Variants in HEATR9 observed in about 807,000 individuals in gnomAD.
HEATR9 encodes the protein protein HEATR9.
A neutral mutation model predicts 68.2 loss-of-function variants in HEATR9; 54 were observed. That is an observed-to-expected ratio of 0.79 (90% CI 0.64 to 0.99). HEATR9 has a LOEUF of 0.99. Ranked by LOEUF, HEATR9 falls within the 50% of genes least tolerant of loss-of-function variation. The pLI is 0.00. For synonymous variants in HEATR9, 241 were observed against 253.5 expected (o/e 0.95, Z 0.47); for missense variants, 662 against 679.7 (o/e 0.97, Z 0.29).
Position 35,855,651 on chromosome 17 carries a change from A to G in HEATR9, c.1365+13T>C. On this transcript the variant is annotated intron_variant, in intron 14 of 14. Transcript: ENST00000604834. ...AGAGAAGAGGAAGAAGTGGGCAGGA[A>G]CGCCTTACTTACACTCTTCTTCACA... The G allele has an allele frequency of 6.2e-7, 1 of 1,611,812 alleles. No individual in the cohort carries two copies. Among genetic ancestry groups the G allele is most frequent in the Non-Finnish European group, 8.5e-7 (1 of 1,178,054 alleles).
At position 35,865,290 on chromosome 17, in the gene HEATR9, T is replaced by C. The variant is rs2088157092; in HGVS notation, c.245A>G (p.His82Arg). 1.9e-6 allele frequency: 3 copies of C among 1,613,868 alleles called. No homozygotes were observed. The highest frequency in any genetic ancestry group is 2.7e-5 in the African/African-American group (2 of 74,856). Residue 82 changes from histidine to arginine, a missense_variant, in exon 3 of 15, where the codon CAC becomes CGC. Transcript: ENST00000604834. ...TCGCTGATCATACAGGTCGTGCCAG[T>C]GCGTGTAGATCTCAGGTTTCTTGAA... ...CYFKKPEIYTHWHDLYDQREE... is the reference protein window; with the variant it reads ...CYFKKPEIYTRWHDLYDQREE...
In HEATR9 at chr17:35,865,212, C is replaced by A. The variant is rs562179157; in HGVS notation, c.320+3G>T. 36 of 1,612,572 alleles carry A rather than the reference C, an allele frequency of 2.2e-5. No individual in the cohort carries two copies. The African/African-American group carries it at 3.5e-4, about 16-fold the overall frequency. ...GAAGAATATGGAGGCCAGCAAAACA[C>A]ACCTACAGTCATCTCTCATTTTCCT... On this transcript the variant is annotated splice_donor_region_variant and intron_variant, in intron 3 of 14. Coordinates refer to ENST00000604834, the MANE Select transcript of HEATR9 (RefSeq NM_152781.4).
rs1183174428 is a variant in HEATR9, at chr17:35,856,840, G to A, written c.1153-35C>T. ...GATCAAAATGAGTCAACAGAGAGAGGGAATGCAAGGGTGTACACTTAAGAG... is the reference window on the plus strand; with the variant it reads ...GATCAAAATGAGTCAACAGAGAGAGAGAATGCAAGGGTGTACACTTAAGAG... On this transcript the variant is annotated intron_variant, in intron 11 of 14. Transcript: ENST00000604834. 3 of 1,539,054 alleles carry A rather than the reference G, an allele frequency of 1.9e-6. No homozygotes were observed. In the South Asian group the frequency reaches 3.5e-5, roughly 18 times the overall value.
chr17:35,855,797 A>G, intron 13 of HEATR9, 47 bp from the exon 14 acceptor site: 2 of 1,457,992 alleles, frequency 1.4e-6, no homozygotes, highest in East Asian at 2.3e-5. Flanking sequence ...CCCCAGGAAG[A>G]CACCTTATAC....
intron 8 of HEATR9, chr17:35,861,414 C>T (rs1257899275): frequency 4.4e-6 from 7 of 1,608,796 alleles, no homozygotes; most frequent in Non-Finnish European, 5.9e-6. Flanking sequence ...ATGCTTTGGT[C>T]CACCTAACTT....
intron 1 of HEATR9, 119 bp downstream of exon 1, chr17:35,868,536 C>G (rs1242281707): frequency 1.3e-6 from 2 of 1,512,934 alleles, no homozygotes; most frequent in South Asian, 2.6e-5. Context: ...AGGGCCTGCC[C>G]TGATGTTTCC....
Position 35,866,713 on chromosome 17 carries a change from AG to A in HEATR9, c.138+10del. 1.2e-6 allele frequency: 2 copies of A among 1,613,158 alleles called. No individual in the cohort carries two copies. The highest frequency in any genetic ancestry group is 1.7e-6 in the Non-Finnish European group (2 of 1,179,114). On this transcript the variant is annotated intron_variant, in intron 2 of 14. Coordinates refer to ENST00000604834, the MANE Select transcript of HEATR9 (RefSeq NM_152781.4). ...TACAGCTCCCAGGGTAGCAAAAGTA[AG>A]GGGTCTTACCTGGTAGCAGGACAAG...
chr17:35,856,098 A>G lies in HEATR9; in HGVS notation c.1278+75T>C, dbSNP rs1414617461. ...AAGTTTACAGGCCTTTATTCCCCTC[A>G]GTGACTCTGCTCAATCGCCTACTCC... On this transcript the variant is annotated intron_variant, in intron 13 of 14. Coordinates refer to ENST00000604834, the MANE Select transcript of HEATR9 (RefSeq NM_152781.4). 2.0e-6 allele frequency: 3 copies of G among 1,467,824 alleles called. No individual in the cohort carries two copies. The Admixed American group carries it at 5.0e-5, about 25-fold the overall frequency. 90.9% of individuals were successfully genotyped at this position (1,467,824 alleles called of 1,614,324 possible). A position where few individuals can be genotyped will look rare whatever the true frequency, so the allele number is the denominator to read the frequency against.
chr17:35,867,624 C>T (rs1013208742), intron 1 of HEATR9, among the ~76,000 whole-genome samples: 5 of 151,534 alleles, frequency 3.3e-5, no homozygotes, highest in Non-Finnish European at 7.4e-5. Flanking sequence ...ATCTGGGCAA[C>T]AAAGTGAGAC....
At chr17:35,862,078 C>T (rs552144868) in intron 8 of HEATR9, among the ~76,000 whole-genome samples, 133 of 151,954 alleles carry the variant, frequency 8.8e-4, no homozygotes, top group Middle Eastern at 3.4e-3. Context: ...CAGAGTTTCA[C>T]CATGTTGGTC....
In HEATR9 at chr17:35,868,804, T is replaced by A; in HGVS notation, c.-62A>T. ...GGGGAATACAAGGCTTTTAGGGGAG[T>A]GGGGGCACAGCTGGAGGAGACCTGT... is the stretch of plus-strand genomic sequence containing the variant. On this transcript the variant is annotated 5_prime_UTR_variant, in exon 1 of 15. Transcript: ENST00000604834. 1 of 1,453,414 alleles carries A rather than the reference T, an allele frequency of 6.9e-7. No individual in the cohort carries two copies. Among genetic ancestry groups the A allele is most frequent in the Non-Finnish European group, 9.6e-7 (1 of 1,040,220 alleles). 90.0% of individuals were successfully genotyped at this position (1,453,414 alleles called of 1,614,324 possible). A position where few individuals can be genotyped will look rare whatever the true frequency, so the allele number is the denominator to read the frequency against.
intron 1 of HEATR9, among the ~76,000 whole-genome samples, chr17:35,868,176 A>C (rs117639761): frequency 0.011 from 1,689 of 152,320 alleles, 15 homozygotes; most frequent in Non-Finnish European, 0.017. Context: ...AGTGTTTCTT[A>C]GTGATTAACA....
At position 35,864,850 on chromosome 17, in the gene HEATR9, G is replaced by A; in HGVS notation, c.361C>T (p.His121Tyr). The change falls in exon 4 of 15, where the codon CAT becomes TAT. Residue 121 changes from histidine to tyrosine, a missense_variant. Transcript: ENST00000604834. ...EVHQTHIKMF[H>Y]LPMSKLTIKS... Reference sequence around the variant, plus strand: ...ATAGTCAGCTTGCTCATTGGGAGATGGAACATTTTGATGTGGGTTTGATGT... The same window carrying A: ...ATAGTCAGCTTGCTCATTGGGAGATAGAACATTTTGATGTGGGTTTGATGT... 1 of 1,614,168 alleles carries A rather than the reference G, an allele frequency of 6.2e-7. No individual in the cohort carries two copies. The highest frequency in any genetic ancestry group is 8.5e-7 in the Non-Finnish European group (1 of 1,180,018).
chr17:35,865,796 A>G (rs1032971689), intron 2 of HEATR9, among the ~76,000 whole-genome samples: 1 of 152,110 alleles, frequency 6.6e-6, no homozygotes, highest in Non-Finnish European at 1.5e-5. Context: ...AGGTGTGGGG[A>G]GGATGTGGGA....
intron 7 of HEATR9, 47 bp downstream of exon 7, chr17:35,863,455 G>C (rs552396184): frequency 6.9e-6 from 11 of 1,583,008 alleles, no homozygotes; most frequent in Middle Eastern, 1.7e-4. Flanking sequence ...AAAGGAGAAA[G>C]TGGTTGCACT....
chr17:35,857,635 T>C (rs1446506856), intron 11 of HEATR9, among the ~76,000 whole-genome samples: 2 of 151,946 alleles, frequency 1.3e-5, no homozygotes, highest in African/African-American at 2.4e-5. Context: ...TGCGGGCGCC[T>C]GTAGTCCCAG....
At chr17:35,855,968 T>G (rs2087756885) in intron 13 of HEATR9, among the ~76,000 whole-genome samples, 1 of 152,150 alleles carries the variant, frequency 6.6e-6, no homozygotes, top group African/African-American at 2.4e-5. Flanking sequence ...CTGCAGCATC[T>G]AAGCAACACC....
At position 35,855,373 on chromosome 17, in the gene HEATR9, G is replaced by T; in HGVS notation, c.1403C>A (p.Pro468His). 6.2e-7 allele frequency: 1 copy of T among 1,613,972 alleles called. No individual in the cohort carries two copies. The highest frequency in any genetic ancestry group is 8.5e-7 in the Non-Finnish European group (1 of 1,179,950). The change falls in exon 15 of 15, where the codon CCC becomes CAC. Residue 468 changes from proline (P) to histidine (H), a missense_variant. Pro to His is a moderately conservative substitution (Grantham distance 77, BLOSUM62 -2). Transcript: ENST00000604834. ...GTTTTTCAGCTTGTTTTGGATCCAG[G>T]GATCAATTGAGGCACAAAGGATTAA... ...ETLILCASID[P>H]WIQNKLKNKV...
At chr17:35,867,135 C>G (rs1460660173) in intron 1 of HEATR9, among the ~76,000 whole-genome samples, 3 of 151,692 alleles carry the variant, frequency 2.0e-5, no homozygotes, top group Non-Finnish European at 4.4e-5. Flanking sequence ...TGGTGGGTGC[C>G]TGTAGTCCCA....
Sources: gnomAD v4.1 joint callset for allele counts (sites outside exome capture counted in the v4.1 genomes callset) on GRCh38, gnomAD v4.1.1 for gene constraint, MANE v1.5 for transcripts, NCBI Gene and HGNC (gene_info 2026-07-23, HGNC 2026-07-21) for gene names.